The following PARP11 variants were observed in gnomAD, a reference collection of about 807,000 sequenced individuals.
The protein encoded by PARP11 is poly(ADP-ribose) polymerase family member 11.
PARP11 carries 31 observed loss-of-function variants against 42.9 expected under a neutral mutation model. That is an observed-to-expected ratio of 0.72 (90% CI 0.54 to 0.98). The LOEUF (loss-of-function observed/expected upper bound fraction) is 0.98. Among genes scored for constraint, PARP11 ranks in the 50% least tolerant of loss-of-function variants. The pLI, the probability that PARP11 is intolerant of heterozygous loss-of-function variation, is 0.00. For missense variants in PARP11, 365 were observed against 413.1 expected, an observed-to-expected ratio of 0.88 and a Z score of 1.01; for synonymous variants, 137 against 127.3, an observed-to-expected ratio of 1.08 and a Z score of -0.51.
intron 1 of PARP11, chr12:3,872,909 G>C (rs1013827587): frequency 2.3e-6 from 1 of 438,564 alleles, no homozygotes; most frequent in Non-Finnish European, 3.0e-6. Context: ...CTGGACAACA[G>C]TGCGAGACTC....
intron 1 of PARP11, among the ~76,000 whole-genome samples, chr12:3,868,325 T>C (rs1265553162): frequency 6.6e-6 from 1 of 151,934 alleles, no homozygotes; most frequent in Non-Finnish European, 1.5e-5. Context: ...CCAGGTGTAG[T>C]GGTGCACATG....
chr12:3,823,915 CAA>C (rs58303768), intron 4 of PARP11, among the ~76,000 whole-genome samples: 64 of 114,014 alleles, frequency 5.6e-4, no homozygotes, highest in South Asian at 4.0e-3. Flanking sequence ...GACTCTGTCT[CAA>C]AAAAAAAAAA....
chr12:3,846,714 G>A (rs1254995169), intron 1 of PARP11, among the ~76,000 whole-genome samples: 7 of 149,742 alleles, frequency 4.7e-5, no homozygotes, highest in Admixed American at 1.3e-4. Flanking sequence ...CCAAGATTGC[G>A]CCACTGCACT....
chr12:3,837,711 C>T (rs919100402), intron 1 of PARP11, among the ~76,000 whole-genome samples: 3 of 150,438 alleles, frequency 2.0e-5, no homozygotes, highest in African/African-American at 4.9e-5. Flanking sequence ...TACAAGAAAC[C>T]GACCTCACCT....
intron 4 of PARP11, among the ~76,000 whole-genome samples, chr12:3,823,522 G>GATGA (rs931357835): frequency 2.0e-5 from 3 of 152,318 alleles, no homozygotes; most frequent in African/African-American, 7.2e-5. Flanking sequence ...GTAAGTACTG[G>GATGA]ATGAATGAAT....
At chr12:3,821,719 C>T (rs968557218) in intron 6 of PARP11, among the ~76,000 whole-genome samples, 154 bp downstream of exon 6, 1 of 152,186 alleles carries the variant, frequency 6.6e-6, no homozygotes, top group African/African-American at 2.4e-5. Context: ...CTTTCACTCC[C>T]TGAGAATGCT....
At position 3,861,264 on chromosome 12, in the gene PARP11, T is replaced by G. The variant is rs1243934420; in HGVS notation, c.18+11948A>C. Among the ~76,000 whole-genome samples, 3 of 152,210 alleles carry G rather than the reference T, an allele frequency of 2.0e-5. No individual in the cohort carries two copies. The highest frequency in any genetic ancestry group is 4.4e-5 in the Non-Finnish European group (3 of 68,042). On this transcript the variant is annotated intron_variant, in intron 1 of 7. Transcript: ENST00000228820. The surrounding 1 kb of genome is among the most constrained non-coding windows in gnomAD (Gnocchi z 4.6). Reference sequence around the variant, plus strand: ...TTGTGTCCTTGCCAAATTATTATGTTGAAATTCTAACTCCTAATGTGATAT... The same window carrying G: ...TTGTGTCCTTGCCAAATTATTATGTGGAAATTCTAACTCCTAATGTGATAT...
At position 3,814,092 on chromosome 12, in the gene PARP11, G is replaced by A. The variant is rs756873748; in HGVS notation, c.645C>T (p.Cys215=). 5 of 1,608,926 alleles carry A rather than the reference G, an allele frequency of 3.1e-6. No homozygotes were observed. The highest frequency in any genetic ancestry group is 2.2e-5 in the East Asian group (1 of 44,710). The change falls in exon 7 of 8, where the codon TGC becomes TGT. Residue 215 remains cysteine, a synonymous_variant. Coordinates refer to ENST00000228820, the MANE Select transcript of PARP11 (RefSeq NM_020367.6). ...TTATTCTCCAATCAAAGTTATGAAT[G>A]CAGATTGCTTCCACAAATTCACTGC... ...GTSSEFVEAI[C]IHNFDWRING... is the part of the protein sequence containing the mutation.
At chr12:3,859,160 A>G (rs183144769) in intron 1 of PARP11, among the ~76,000 whole-genome samples, 225 of 152,232 alleles carry the variant, frequency 1.5e-3, no homozygotes, top group African/African-American at 5.1e-3. Flanking sequence ...AAAGGCATAT[A>G]TGAAACAAAT....
intron 6 of PARP11, 79 bp from the exon 7 acceptor site, chr12:3,814,267 G>T (rs958177708): frequency 2.6e-6 from 3 of 1,171,054 alleles, no homozygotes; most frequent in Non-Finnish European, 1.1e-6. Context: ...AATGAGCAAG[G>T]TTCAATAGAA....
Position 3,822,096 on chromosome 12 carries a change from C to T in PARP11, c.406G>A (p.Val136Ile). 1 of 1,613,784 alleles carries T rather than the reference C, an allele frequency of 6.2e-7. No individual in the cohort carries two copies. The highest frequency in any genetic ancestry group is 1.1e-5 in the South Asian group (1 of 91,052). ...PPHWENVNTQ[V>I]PYQLIPLHNQ... The stretch of plus-strand genomic sequence containing the variant: ...AATTCTGCTCTTACCTGATATGGTA[C>T]TTGAGTATTCACATTCTCCCAGTGT... Residue 136 changes from valine to isoleucine, a missense_variant, in exon 5 of 8, where the codon GTA becomes ATA. Val to Ile is a conservative substitution (Grantham distance 29). Coordinates refer to ENST00000228820, the MANE Select transcript of PARP11 (RefSeq NM_020367.6).
chr12:3,834,612 C>T (rs1249225217), intron 1 of PARP11, among the ~76,000 whole-genome samples: 5 of 135,768 alleles, frequency 3.7e-5, no homozygotes, highest in African/African-American at 1.4e-4. Flanking sequence ...CCAGCCTGGG[C>T]GACAAGAGCG....
intron 1 of PARP11, among the ~76,000 whole-genome samples, chr12:3,836,242 C>T (rs1001483227): frequency 1.3e-5 from 2 of 151,746 alleles, no homozygotes; most frequent in Non-Finnish European, 1.5e-5. Context: ...TAAGAGAATC[C>T]TAATGAGATT....
rs1045994485 is a variant in PARP11, at chr12:3,812,117, G to A, written c.*6C>T. On this transcript the variant is annotated 3_prime_UTR_variant, in exon 8 of 8. Transcript: ENST00000228820. ...CTTCCTTGACCACCGAGATTTGGAA[G>A]TGAAATCAATGAAAGTCTATCAAGT... 5.7e-6 allele frequency: 9 copies of A among 1,578,508 alleles called. No homozygotes were observed. The highest frequency in any genetic ancestry group is 7.7e-6 in the Non-Finnish European group (9 of 1,162,296).
chr12:3,822,598 CAAAAA>C (rs36089402), intron 4 of PARP11, among the ~76,000 whole-genome samples: 1 of 93,254 alleles, frequency 1.1e-5, no homozygotes. Context: ...GACTCCGTCT[CAAAAA>C]AAAAAAAAAA....
rs2138071001 is a variant in PARP11, at chr12:3,840,454, G to A, written c.19-10436C>T. On this transcript the variant is annotated intron_variant, in intron 1 of 7. Transcript: ENST00000228820. The surrounding 1 kb of genome is among the most constrained non-coding windows in gnomAD (Gnocchi z 4.4). ...ACCTCCTCGACTGCAGCATCCTTCA[G>A]GAGTAAGACAACGTGAGTTCTCTAG... The A allele has an allele frequency of 2.5e-6, 4 of 1,613,314 alleles. No individual in the cohort carries two copies. In the East Asian group the frequency reaches 8.9e-5, roughly 36 times the overall value.
intron 1 of PARP11, chr12:3,842,142 G>A: frequency 6.2e-7 from 1 of 1,611,886 alleles, no homozygotes; most frequent in South Asian, 1.1e-5. Context: ...AAGTCTGAAA[G>A]AAAAAACAGA....
chr12:3,857,048 C>T (rs752334396), intron 1 of PARP11, among the ~76,000 whole-genome samples: 7 of 151,114 alleles, frequency 4.6e-5, no homozygotes, highest in African/African-American at 1.7e-4. Flanking sequence ...AAACACCGCA[C>T]GTTCTCACTC....
chr12:3,859,559 T>TAAAAAAAAAAAAAAAAAAAAAA (rs59321607), intron 1 of PARP11, among the ~76,000 whole-genome samples: 1 of 112,498 alleles, frequency 8.9e-6, no homozygotes. Context: ...GAGACTCTGC[T>TAAAAAAAAAAAAAAAAAAAAAA]AAAAAAAAAA....
Sources: gnomAD v4.1 joint callset for allele counts (sites outside exome capture counted in the v4.1 genomes callset) on GRCh38, gnomAD v4.1.1 for gene constraint, Gnocchi (gnomAD v3.1) non-coding constraint, MANE v1.5 for transcripts, NCBI Gene and HGNC (gene_info 2026-07-23, HGNC 2026-07-21) for gene names.